Variants in BLK observed in about 807,000 individuals in gnomAD.
BLK encodes the protein tyrosine-protein kinase Blk.
In BLK, 64 loss-of-function variants were observed where a neutral mutation model predicts 61.8. That is an observed-to-expected ratio of 1.03 (90% CI 0.85 to 1.27). BLK has a LOEUF of 1.27. BLK is among the 50% of genes most tolerant of loss of function. BLK has a pLI of 0.00. For missense variants in BLK, 853 were observed against 660.5 expected, an observed-to-expected ratio of 1.29 and a Z score of -3.19; for synonymous variants, 351 against 272.0, an observed-to-expected ratio of 1.29 and a Z score of -2.86.
chr8:11,537,386 C>A (rs1282813778), intron 1 of BLK, among the ~76,000 whole-genome samples: 2 of 152,188 alleles, frequency 1.3e-5, no homozygotes, highest in South Asian at 4.1e-4. Flanking sequence ...GTAGGTACCC[C>A]TGTTCTACCT....
At chr8:11,498,740 G>T (rs1220164387) in intron 1 of BLK, among the ~76,000 whole-genome samples, 1 of 152,134 alleles carries the variant, frequency 6.6e-6, no homozygotes, top group African/African-American at 2.4e-5. Flanking sequence ...TACCTGTCTC[G>T]GGTAGGTTAA....
intron 1 of BLK, among the ~76,000 whole-genome samples, chr8:11,510,080 A>C (rs1029907277): frequency 6.6e-6 from 1 of 152,210 alleles, no homozygotes; most frequent in Non-Finnish European, 1.5e-5. Context: ...TTGTATCACC[A>C]TAGCAGGTGA....
rs768186304 is a variant in BLK at position 11,563,962 on chromosome 8, G to C, written c.1372G>C (p.Asp458His). 1 of 1,606,830 alleles carries C rather than the reference G, an allele frequency of 6.2e-7. No individual in the cohort carries two copies. The highest frequency in any genetic ancestry group is 2.2e-5 in the East Asian group (1 of 44,848). Residue 458 changes from aspartate to histidine, a missense_variant, in exon 13 of 13, where the codon GAC becomes CAC. Transcript: ENST00000259089. ...LERGYRMPRP[D>H]TCPPELYRGV... ...GCGCGGCTACCGCATGCCGCGCCCC[G>C]ACACCTGCCCGCCCGAGCTGTACCG...
intron 1 of BLK, among the ~76,000 whole-genome samples, chr8:11,500,727 G>T (rs1170227333): frequency 1.3e-5 from 2 of 151,410 alleles, no homozygotes; most frequent in Admixed American, 6.6e-5. Context: ...TGTCTAGGCT[G>T]GTCTCAACCT....
Position 11,555,427 on chromosome 8 carries a change from C to T in BLK, c.715C>T (p.Gln239Ter). The T allele has an allele frequency of 6.2e-7, 1 of 1,614,202 alleles. No homozygotes were observed. Among genetic ancestry groups the T allele is most frequent in the Non-Finnish European group, 8.5e-7 (1 of 1,180,026 alleles). Reference sequence around the variant, plus strand: ...CCAGGATGAATGGGAGATCCCCCGGCAGTCTCTCAGGCTGGTCAGGAAACT... The same window carrying T: ...CCAGGATGAATGGGAGATCCCCCGGTAGTCTCTCAGGCTGGTCAGGAAACT... ...WAQDEWEIPR[Q>*]SLRLVRKLGS... Residue 239 changes from glutamine (Q) to a stop codon, truncating the protein, a stop_gained, in exon 8 of 13, where the codon CAG (glutamine) becomes TAG (stop). Coordinates refer to ENST00000259089, the MANE Select transcript of BLK (RefSeq NM_001715.3). LOFTEE classifies it high-confidence loss of function.
At chr8:11,549,845 C>A in intron 5 of BLK, 1 of 395,934 alleles carries the variant, frequency 2.5e-6, no homozygotes, top group South Asian at 2.1e-5. Flanking sequence ...GCCTGTGATA[C>A]GCAGCTGTGC....
rs775316612 is a variant in BLK at position 11,543,266 on chromosome 8, G to A, written c.42G>A (p.Pro14=). Residue 14 remains proline (P), a synonymous_variant, in exon 2 of 13, where the codon CCG becomes CCA. Transcript: ENST00000259089. The part of the protein sequence containing the change: ...VSSKKPDKEK[P]IKEKDKGQWS... ...GCAAAAAGCCGGACAAGGAAAAGCC[G>A]ATCAAAGAGAAGGACAAGGGCCAAT... 2.2e-5 allele frequency: 35 copies of A among 1,613,862 alleles called. No homozygotes were observed. The highest frequency in any genetic ancestry group is 3.3e-4 in the Middle Eastern group (2 of 6,084).
At chr8:11,535,736 G>A (rs932884106) in intron 1 of BLK, among the ~76,000 whole-genome samples, 28 of 152,200 alleles carry the variant, frequency 1.8e-4, no homozygotes, top group African/African-American at 6.8e-4. Context: ...AACACTGTGA[G>A]CCTCCTGGTA....
chr8:11,563,507 G>A (rs2279169), intron 12 of BLK, among the ~76,000 whole-genome samples: 66,325 of 151,946 alleles, frequency 0.44, 15,484 homozygotes, highest in East Asian at 0.92. Flanking sequence ...AGCCCCAGTC[G>A]AAGGGCTCCA....
At chr8:11,556,086 G>T (rs1801207908) in intron 8 of BLK, 2 of 227,318 alleles carry the variant, frequency 8.8e-6, no homozygotes, top group Non-Finnish European at 1.7e-5. Context: ...TGCCCACGGT[G>T]CTTTTGGCAG....
At chr8:11,532,393 C>A (rs1168220973) in intron 1 of BLK, among the ~76,000 whole-genome samples, 1 of 138,212 alleles carries the variant, frequency 7.2e-6, no homozygotes, top group Non-Finnish European at 1.6e-5. Flanking sequence ...GTATTTTTAG[C>A]AGAGACAGGG....
At position 11,519,567 on chromosome 8, in the gene BLK, T is replaced by C. The variant is rs76850265; in HGVS notation, c.-1-23657T>C. 1.2e-4 allele frequency among the ~76,000 whole-genome samples: 19 copies of C among 152,346 alleles called. 1 individual carries two copies. The East Asian group carries it at 3.7e-3, about 29-fold the overall frequency. On this transcript the variant is annotated intron_variant, in intron 1 of 12. Transcript: ENST00000259089. ...TAAGTAATATGAAACATACAAAAGT[T>C]TATGTACAGCATCGTAACAGTTCAT...
chr8:11,546,087 T>A lies in BLK; in HGVS notation c.159T>A (p.Asp53Glu). 1 of 1,614,158 alleles carries A rather than the reference T, an allele frequency of 6.2e-7. No individual in the cohort carries two copies. Residue 53 changes from aspartate to glutamate, a missense_variant, in exon 3 of 13, where the codon GAT becomes GAA. Physicochemically the swap from Asp to Glu is conservative, Grantham distance 45. Transcript: ENST00000259089. ...ACCACCTTACTCCTCCACCGCCCGA[T>A]GAACACCTGGATGAAGGTAAGAAGG... ...VFNHLTPPPP[D>E]EHLDEDKHFV...
intron 1 of BLK, among the ~76,000 whole-genome samples, chr8:11,531,151 A>G (rs1226528832): frequency 6.6e-6 from 1 of 152,088 alleles, no homozygotes; most frequent in East Asian, 1.9e-4. Flanking sequence ...TCTCTGTTCA[A>G]CTGTTTGTTA....
chr8:11,549,147 C>G (rs1157918558), intron 5 of BLK, 25 bp downstream of exon 5: 5 of 1,563,516 alleles, frequency 3.2e-6, no homozygotes, highest in East Asian at 2.3e-5. Flanking sequence ...GAACCCCCCT[C>G]GAGCCAAGAT....
At position 11,564,330 on chromosome 8, in the gene BLK, G is replaced by A. The variant is rs1165142104; in HGVS notation, c.*222G>A. Reference sequence around the variant, plus strand: ...GCCTCTCTGTGCCGCTTCATTTGTAGAGGGCTGTAACAGTGACCTCGCACG... The same window carrying A: ...GCCTCTCTGTGCCGCTTCATTTGTAAAGGGCTGTAACAGTGACCTCGCACG... On this transcript the variant is annotated 3_prime_UTR_variant, in exon 13 of 13. Coordinates refer to ENST00000259089, the MANE Select transcript of BLK (RefSeq NM_001715.3). The A allele has an allele frequency of 8.5e-6, 6 of 707,638 alleles. No homozygotes were observed. Among genetic ancestry groups the A allele is most frequent in the African/African-American group, 7.0e-5 (4 of 57,370 alleles). 43.8% of individuals were successfully genotyped at this position (707,638 alleles called of 1,614,324 possible).
chr8:11,535,359 G>A (rs1302532341), intron 1 of BLK, among the ~76,000 whole-genome samples: 4 of 151,776 alleles, frequency 2.6e-5, no homozygotes, highest in Non-Finnish European at 4.4e-5. Context: ...GGAAAGGAAA[G>A]GAAGGGATAT....
chr8:11,558,128 G>A, intron 10 of BLK, 90 bp downstream of exon 10: 1 of 1,324,608 alleles, frequency 7.5e-7, no homozygotes, highest in South Asian at 1.2e-5. Context: ...CATCCTCTCA[G>A]CCAGCAGGAG....
chr8:11,544,314 A>G (rs1800520844), intron 2 of BLK, among the ~76,000 whole-genome samples: 1 of 152,106 alleles, frequency 6.6e-6, no homozygotes, highest in African/African-American at 2.4e-5. Context: ...CTCCCTGACC[A>G]GTGACCCCCT....
Sources: gnomAD v4.1 joint callset for allele counts (sites outside exome capture counted in the v4.1 genomes callset) on GRCh38, gnomAD v4.1.1 for gene constraint, MANE v1.5 for transcripts, NCBI Gene and HGNC (gene_info 2026-07-23, HGNC 2026-07-21) for gene names.